The following RBFOX3 variants were observed in gnomAD, a reference collection of about 807,000 sequenced individuals.
RBFOX3 encodes the protein RNA binding fox-1 homolog 3.
Under a neutral mutation model 48.7 loss-of-function variants are expected in RBFOX3, and 17 were observed. The observed-to-expected ratio is 0.35, with a 90% CI of 0.24 to 0.52. The LOEUF (loss-of-function observed/expected upper bound fraction) is 0.52. RBFOX3 is among the 20% of genes least tolerant of loss of function. RBFOX3 has a pLI of 0.94. For synonymous variants in RBFOX3, 212 were observed against 209.5 expected, an observed-to-expected ratio of 1.01 and a Z score of -0.10; for missense variants, 382 against 497.5, an observed-to-expected ratio of 0.77 and a Z score of 2.21.
intron 2 of RBFOX3, among the ~76,000 whole-genome samples, chr17:79,335,985 C>T (rs372522299): frequency 5.9e-4 from 90 of 152,358 alleles, no homozygotes; most frequent in African/African-American, 2.0e-3. Context: ...TGCCGGTCTG[C>T]CTGCGCCGCT....
At chr17:79,248,453 A>C (rs2063482011) in intron 3 of RBFOX3, among the ~76,000 whole-genome samples, 1 of 152,070 alleles carries the variant, frequency 6.6e-6, no homozygotes, top group Non-Finnish European at 1.5e-5. Context: ...GGTCTTAGAG[A>C]CTTTGGTGGG....
intron 13 of RBFOX3, among the ~76,000 whole-genome samples, chr17:79,094,751 CCA>C (rs1053098822): frequency 2.7e-5 from 4 of 147,554 alleles, no homozygotes; most frequent in African/African-American, 5.1e-5. Context: ...CTCAATATGC[CCA>C]CAGTGTGCTG....
intron 4 of RBFOX3, among the ~76,000 whole-genome samples, chr17:79,154,468 G>A (rs989380325): frequency 7.2e-5 from 11 of 152,234 alleles, no homozygotes; most frequent in Admixed American, 3.3e-4. Flanking sequence ...TTCAATAAAG[G>A]AGTGAGTGCC....
rs1313679458 is a variant in RBFOX3, at chr17:79,381,031, G to A, written c.-174-73207C>T. 2.0e-5 allele frequency among the ~76,000 whole-genome samples: 3 copies of A among 152,180 alleles called. No individual in the cohort carries two copies. In the East Asian group the frequency reaches 5.8e-4, roughly 29 times the overall value. On this transcript the variant is annotated intron_variant, in intron 2 of 14. Transcript: ENST00000693108. Reference sequence around the variant, plus strand: ...AATCCCAGCACTTTGAGAGGCTGAGGTGGGCGAATCATGAGGTCAGGAGAT... The same window carrying A: ...AATCCCAGCACTTTGAGAGGCTGAGATGGGCGAATCATGAGGTCAGGAGAT...
chr17:79,177,890 C>T (rs2050949049), intron 4 of RBFOX3, among the ~76,000 whole-genome samples: 2 of 152,224 alleles, frequency 1.3e-5, no homozygotes, highest in South Asian at 2.1e-4. Context: ...TGGCCCCGGC[C>T]CTCTCCAGCC....
intron 4 of RBFOX3, among the ~76,000 whole-genome samples, chr17:79,160,548 G>T (rs1205733876): frequency 6.6e-6 from 1 of 152,236 alleles, no homozygotes; most frequent in Non-Finnish European, 1.5e-5. Flanking sequence ...CCCTGGAGCA[G>T]GCCTGGGTTC....
chr17:79,342,867 TCA>T (rs962646678), intron 2 of RBFOX3, among the ~76,000 whole-genome samples: 1 of 152,232 alleles, frequency 6.6e-6, no homozygotes, highest in Non-Finnish European at 1.5e-5. Context: ...ACAGTATTTC[TCA>T]GTTATTCTCA....
At chr17:79,093,994 G>T (rs1259578332) in intron 14 of RBFOX3, among the ~76,000 whole-genome samples, 1 of 152,082 alleles carries the variant, frequency 6.6e-6, no homozygotes, top group East Asian at 1.9e-4. Flanking sequence ...CTCCCCTCTC[G>T]GATGCGATGC....
chr17:79,121,404 C>T (rs2035705873), intron 4 of RBFOX3, among the ~76,000 whole-genome samples: 1 of 152,150 alleles, frequency 6.6e-6, no homozygotes, highest in African/African-American at 2.4e-5. Flanking sequence ...CTCAATTCAC[C>T]ACCTCCCTTA....
At chr17:79,454,249 T>C (rs1555743356) in intron 2 of RBFOX3, among the ~76,000 whole-genome samples, 1 of 152,160 alleles carries the variant, frequency 6.6e-6, no homozygotes, top group Non-Finnish European at 1.5e-5. Context: ...CACATCATTC[T>C]GGCTCCCAGG....
At chr17:79,256,235 C>T (rs544820502) in intron 3 of RBFOX3, among the ~76,000 whole-genome samples, 1 of 152,182 alleles carries the variant, frequency 6.6e-6, no homozygotes, top group South Asian at 2.1e-4. Context: ...GGGAGGCACG[C>T]TTGTCTCTGG....
chr17:79,573,547 G>A (rs2092755322), intron 1 of RBFOX3, among the ~76,000 whole-genome samples: 1 of 152,158 alleles, frequency 6.6e-6, no homozygotes, highest in African/African-American at 2.4e-5. Context: ...CTTTCACCCT[G>A]ACTTCCCCAG....
At chr17:79,469,076 CAGAT>C (rs1483383395) in intron 2 of RBFOX3, among the ~76,000 whole-genome samples, 24 of 151,926 alleles carry the variant, frequency 1.6e-4, no homozygotes, top group African/African-American at 4.6e-4. Flanking sequence ...GACAGACTGA[CAGAT>C]AGATAGATAG....
intron 3 of RBFOX3, among the ~76,000 whole-genome samples, chr17:79,304,939 T>G (rs1290857037): frequency 6.6e-6 from 1 of 152,078 alleles, no homozygotes; most frequent in Non-Finnish European, 1.5e-5. Context: ...CTCCTTCACT[T>G]GGCCCCTCCC....
At chr17:79,135,243 A>T (rs890557611) in intron 4 of RBFOX3, among the ~76,000 whole-genome samples, 1 of 152,198 alleles carries the variant, frequency 6.6e-6, no homozygotes, top group African/African-American at 2.4e-5. Flanking sequence ...CTGTGTTTCA[A>T]CTGTAAAATG....
In RBFOX3 at chr17:79,103,333, A is replaced by C; in HGVS notation, c.415-79T>G. 1 of 806,128 alleles carries C rather than the reference A, an allele frequency of 1.2e-6. No homozygotes were observed. The highest frequency in any genetic ancestry group is 2.3e-4 in the Middle Eastern group (1 of 4,334). The allele number at this position is 806,128 out of a possible 1,614,324, so 49.9% of individuals were successfully genotyped here. A position where few individuals can be genotyped will look rare whatever the true frequency, so the allele number is the denominator to read the frequency against. On this transcript the variant is annotated intron_variant, in intron 7 of 14. Transcript: ENST00000693108. The surrounding 1 kb of genome is among the most constrained non-coding windows in gnomAD (Gnocchi z 6.1). ...AAAGAGGAGGAAGACGAGGAAGAAGAGGAGTGGGAGGGGGGCAGGGGAGTG... is the reference window on the plus strand; with the variant it reads ...AAAGAGGAGGAAGACGAGGAAGAAGCGGAGTGGGAGGGGGGCAGGGGAGTG...
At chr17:79,627,795 C>A in the RBFOX3 span, among the ~76,000 whole-genome samples, 1 of 115,634 alleles carries the variant, frequency 8.6e-6, no homozygotes, top group Admixed American at 8.2e-5. Context: ...TTCCTCCCTC[C>A]CCAGGTTGCT....
At chr17:79,092,708 G>C in intron 14 of RBFOX3, 6 of 642,464 alleles carry the variant, frequency 9.3e-6, no homozygotes, top group Non-Finnish European at 1.2e-5. Flanking sequence ...AAAGCAAAAA[G>C]AAAAAAAAAA....
chr17:79,108,188 G>A (rs1307471352), intron 5 of RBFOX3, among the ~76,000 whole-genome samples: 2 of 152,224 alleles, frequency 1.3e-5, no homozygotes, highest in South Asian at 2.1e-4. Flanking sequence ...GGGACAGGAC[G>A]CCAGCCGAAG....
Sources: gnomAD v4.1 joint callset for allele counts (sites outside exome capture counted in the v4.1 genomes callset) on GRCh38, gnomAD v4.1.1 for gene constraint, Gnocchi (gnomAD v3.1) non-coding constraint, MANE v1.5 for transcripts, NCBI Gene and HGNC (gene_info 2026-07-23, HGNC 2026-07-21) for gene names.